NTM: variants seen among roughly 807,000 people sequenced by gnomAD.
The protein encoded by NTM is IgLON family member 2.
A neutral mutation model predicts 42.1 loss-of-function variants in NTM; 13 were observed. The observed-to-expected ratio is 0.31, with a 90% CI of 0.20 to 0.49. NTM has a LOEUF of 0.49. NTM is among the 20% of genes least tolerant of loss of function. NTM has a pLI of 0.99. For missense variants in NTM, 373 were observed against 452.8 expected (o/e 0.82, Z 1.60); for synonymous variants, 187 against 179.2 (o/e 1.04, Z -0.35).
intron 2 of NTM, among the ~76,000 whole-genome samples, chr11:131,971,983 C>T (rs192166229): frequency 4.4e-4 from 63 of 141,956 alleles, no homozygotes; most frequent in African/African-American, 1.4e-3. Flanking sequence ...GCGGAGCTTG[C>T]AGTGGGCTGA....
At chr11:132,262,925 A>T (rs1393454232) in intron 4 of NTM, among the ~76,000 whole-genome samples, 1 of 152,208 alleles carries the variant, frequency 6.6e-6, no homozygotes, top group East Asian at 1.9e-4. Context: ...AAAACAAGTT[A>T]TGTATTTCCA....
In NTM at chr11:131,911,646, C is replaced by T; in HGVS notation, c.165C>T (p.Leu55=). 6.2e-7 allele frequency: 1 copy of T among 1,614,036 alleles called. No individual in the cohort carries two copies. The highest frequency in any genetic ancestry group is 1.1e-5 in the South Asian group (1 of 91,072). ...TCCGGCAGGGGGAGAGCGCCACCCT[C>T]AGGTAGGGAGCTGACATTGTTCTGC... ...VTVRQGESAT[L]RCTIDNRVTR... Residue 55 remains leucine (L), a splice_region_variant and synonymous_variant, in exon 2 of 9, where the codon CTC becomes CTT. Transcript: ENST00000683400.
At chr11:131,637,061 T>C (rs190831906) in intron 1 of NTM, among the ~76,000 whole-genome samples, 3 of 152,272 alleles carry the variant, frequency 2.0e-5, no homozygotes, top group Admixed American at 6.5e-5. Flanking sequence ...GTCTTCTAAA[T>C]GAAACATCTG....
chr11:131,777,655 G>A (rs929566656), intron 1 of NTM, among the ~76,000 whole-genome samples: 1 of 151,950 alleles, frequency 6.6e-6, no homozygotes, highest in African/African-American at 2.4e-5. Context: ...CAAAAGTATT[G>A]TTAGTAATAC....
intron 1 of NTM, among the ~76,000 whole-genome samples, chr11:131,752,597 T>C (rs1302706971): frequency 6.6e-6 from 1 of 152,202 alleles, no homozygotes; most frequent in African/African-American, 2.4e-5. Flanking sequence ...CATGTATGTT[T>C]ATTGCAGCAC....
chr11:131,740,174 C>T (rs1011212859), intron 1 of NTM, among the ~76,000 whole-genome samples: 7 of 152,136 alleles, frequency 4.6e-5, no homozygotes, highest in South Asian at 2.1e-4. Flanking sequence ...GCATGGGCTA[C>T]GTTGTAAGAG....
intron 1 of NTM, among the ~76,000 whole-genome samples, chr11:131,760,256 A>T (rs2083937784): frequency 6.6e-6 from 1 of 152,130 alleles, no homozygotes; most frequent in Admixed American, 6.5e-5. Flanking sequence ...ATTCATGCAT[A>T]TTGCGGTTGA....
chr11:132,190,753 A>G (rs58907091), intron 3 of NTM, among the ~76,000 whole-genome samples: 12,571 of 151,170 alleles, frequency 0.083, 1,104 homozygotes, highest in African/African-American at 0.21. Flanking sequence ...AAAAAAAAAA[A>G]AGAGACAGAT....
At chr11:132,249,872 C>T (rs751047860) in intron 4 of NTM, among the ~76,000 whole-genome samples, 6 of 152,224 alleles carry the variant, frequency 3.9e-5, no homozygotes, top group Non-Finnish European at 5.9e-5. Context: ...TCTCTCTTGG[C>T]CCAACTTCAT....
At chr11:131,381,357 C>T (rs1049057652) in intron 1 of NTM, among the ~76,000 whole-genome samples, 5 of 152,172 alleles carry the variant, frequency 3.3e-5, no homozygotes, top group Non-Finnish European at 7.3e-5. Flanking sequence ...AAACTCAGCC[C>T]AGTCATGGAA....
intron 2 of NTM, among the ~76,000 whole-genome samples, chr11:132,031,992 C>T (rs1035025831): frequency 6.6e-6 from 1 of 151,940 alleles, no homozygotes; most frequent in African/African-American, 2.4e-5. Flanking sequence ...ACTAGTCTTT[C>T]TTTATTTTTA....
intron 1 of NTM, among the ~76,000 whole-genome samples, chr11:131,684,896 C>T (rs375665612): frequency 3.9e-5 from 6 of 152,306 alleles, no homozygotes; most frequent in Non-Finnish European, 5.9e-5. Flanking sequence ...GCAAGAAGAC[C>T]AAGGGCATGA....
chr11:132,122,297 G>A (rs2064972626), intron 2 of NTM, among the ~76,000 whole-genome samples: 1 of 152,196 alleles, frequency 6.6e-6, no homozygotes, highest in Non-Finnish European at 1.5e-5. Flanking sequence ...GTGCCCCCTG[G>A]ATAGGACACT....
chr11:132,312,636 A>G (rs1457674244), intron 6 of NTM: 1 of 154,780 alleles, frequency 6.5e-6, no homozygotes, highest in Non-Finnish European at 1.5e-5. Flanking sequence ...GCAGGAGCCT[A>G]CTTTCAGTTA....
At chr11:132,166,916 T>C (rs1194433160) in intron 3 of NTM, among the ~76,000 whole-genome samples, 1 of 152,174 alleles carries the variant, frequency 6.6e-6, no homozygotes, top group Non-Finnish European at 1.5e-5. Flanking sequence ...TGTTTAGTGT[T>C]TTAGAGGCAT....
intron 4 of NTM, among the ~76,000 whole-genome samples, chr11:132,220,053 C>G (rs1338694366): frequency 6.6e-6 from 1 of 152,088 alleles, no homozygotes; most frequent in African/African-American, 2.4e-5. Flanking sequence ...CAAGTAATTG[C>G]CATTGCAAAA....
chr11:132,244,490 C>A (rs2090744036), intron 4 of NTM, among the ~76,000 whole-genome samples: 1 of 152,130 alleles, frequency 6.6e-6, no homozygotes, highest in African/African-American at 2.4e-5. Flanking sequence ...AAATGTGTAC[C>A]CCAGGTGATT....
At chr11:131,834,208 G>T (rs368083198) in intron 1 of NTM, among the ~76,000 whole-genome samples, 2 of 152,122 alleles carry the variant, frequency 1.3e-5, no homozygotes, top group Admixed American at 1.3e-4. Flanking sequence ...CCACACTCAC[G>T]TGCCTTGAGC....
intron 1 of NTM, among the ~76,000 whole-genome samples, chr11:131,746,543 A>G (rs189810313): frequency 1.5e-3 from 222 of 152,316 alleles, no homozygotes; most frequent in African/African-American, 5.0e-3. Flanking sequence ...TCCTTACGGT[A>G]TAATTTTCCA....
Sources: allele counts gnomAD v4.1 joint callset (sites outside exome capture counted in the v4.1 genomes callset), GRCh38; gene constraint gnomAD v4.1.1; transcripts MANE v1.5; gene names NCBI Gene and HGNC (gene_info 2026-07-23, HGNC 2026-07-21).